PPARG: variants seen among roughly 807,000 people sequenced by gnomAD.
PPARG encodes the protein peroxisome proliferator-activated receptor gamma.
PPARG carries 17 observed loss-of-function variants against 39.2 expected under a neutral mutation model. The observed-to-expected ratio is 0.43, with a 90% CI of 0.30 to 0.65. PPARG has a LOEUF of 0.65. Among genes scored for constraint, PPARG ranks in the 30% least tolerant of loss-of-function variants. The pLI is 0.13. For synonymous variants in PPARG, 223 were observed against 215.7 expected (o/e 1.03, Z -0.30); for missense variants, 406 against 585.9 (o/e 0.69, Z 3.17).
At chr3:12,340,087 T>C (rs574869724) in intron 2 of PPARG, among the ~76,000 whole-genome samples, 53 of 152,284 alleles carry the variant, frequency 3.5e-4, no homozygotes, top group Middle Eastern at 6.8e-3. Context: ...TACTTCCCCT[T>C]CAGGCAGTAC....
chr3:12,386,295 C>T (rs2049867152), intron 4 of PPARG, among the ~76,000 whole-genome samples: 1 of 104,402 alleles, frequency 9.6e-6, no homozygotes, highest in Admixed American at 8.9e-5. Context: ...CAAGAAAACA[C>T]TTGGTTATCA....
At chr3:12,344,654 C>T (rs1453173589) in intron 2 of PPARG, among the ~76,000 whole-genome samples, 2 of 152,172 alleles carry the variant, frequency 1.3e-5, no homozygotes, top group African/African-American at 4.8e-5. Context: ...ACCGTCTCTT[C>T]CTGAAGCGTA....
intron 7 of PPARG, among the ~76,000 whole-genome samples, chr3:12,425,898 C>T (rs1017004036): frequency 7.9e-5 from 12 of 152,176 alleles, no homozygotes; most frequent in Non-Finnish European, 1.8e-4. Flanking sequence ...CATTTTCACT[C>T]TGAGAGACCC....
intron 2 of PPARG, among the ~76,000 whole-genome samples, chr3:12,376,527 T>C (rs1438849153): frequency 6.6e-6 from 1 of 152,146 alleles, no homozygotes; most frequent in East Asian, 1.9e-4. Flanking sequence ...AGAGTATGTA[T>C]ATACAGAAGA....
At chr3:12,302,086 G>A (rs1236328300) in intron 1 of PPARG, among the ~76,000 whole-genome samples, 1 of 152,158 alleles carries the variant, frequency 6.6e-6, no homozygotes, top group African/African-American at 2.4e-5. Flanking sequence ...AATAAGTAAA[G>A]GGAGAGAACA....
chr3:12,406,332 T>A (rs2050665188), intron 6 of PPARG: 1 of 491,060 alleles, frequency 2.0e-6, no homozygotes, highest in East Asian at 4.0e-5. Flanking sequence ...TTGGTCATCC[T>A]AACTTTAATG....
At chr3:12,426,180 T>C (rs570689088) in intron 7 of PPARG, among the ~76,000 whole-genome samples, 1 of 152,332 alleles carries the variant, frequency 6.6e-6, no homozygotes, top group South Asian at 2.1e-4. Context: ...CCCAGTCATA[T>C]ATATTATTGT....
chr3:12,287,843 C>CCCACCCCCACCCCCACCCCCACCT, upstream of PPARG: 1 of 138,810 alleles, frequency 7.2e-6, no homozygotes, highest in African/African-American at 2.6e-5. Flanking sequence ...CACCCCCACC[C>CCCACCCCCACCCCCACCCCCACCT]CCAGCCGGCG....
At chr3:12,329,317 T>G (rs111918230) in intron 2 of PPARG, among the ~76,000 whole-genome samples, 6 of 152,370 alleles carry the variant, frequency 3.9e-5, no homozygotes, top group African/African-American at 1.4e-4. Flanking sequence ...AGTTCAACTG[T>G]TGATCAATTA....
At chr3:12,384,196 A>G (rs1035401521) in intron 4 of PPARG, among the ~76,000 whole-genome samples, 2 of 152,146 alleles carry the variant, frequency 1.3e-5, no homozygotes, top group African/African-American at 4.8e-5. Flanking sequence ...ACTTAATATA[A>G]AGAAAATATG....
intron 2 of PPARG, among the ~76,000 whole-genome samples, chr3:12,355,767 T>G (rs2048641014): frequency 6.6e-6 from 1 of 152,242 alleles, no homozygotes; most frequent in South Asian, 2.1e-4. Context: ...TCCCCTACTA[T>G]CTCTAAGGAA....
chr3:12,338,814 GTTC>G (rs1268317908), intron 2 of PPARG, among the ~76,000 whole-genome samples: 1 of 152,072 alleles, frequency 6.6e-6, no homozygotes. Flanking sequence ...GTTTACCTTT[GTTC>G]TTCTTTCACT....
chr3:12,348,184 G>A (rs1235276437), intron 2 of PPARG, among the ~76,000 whole-genome samples: 1 of 152,160 alleles, frequency 6.6e-6, no homozygotes. Flanking sequence ...AATATTTTAT[G>A]TAAGTCATCC....
chr3:12,421,957 G>C (rs1036669777), intron 7 of PPARG, among the ~76,000 whole-genome samples: 3 of 101,638 alleles, frequency 3.0e-5, no homozygotes, highest in Non-Finnish European at 6.1e-5. Flanking sequence ...TAGAAGCAGG[G>C]GAATTGTTCT....
intron 2 of PPARG, among the ~76,000 whole-genome samples, chr3:12,318,956 T>C (rs1005319329): frequency 3.3e-5 from 5 of 152,194 alleles, no homozygotes; most frequent in African/African-American, 1.2e-4. Context: ...TTTTTAACCT[T>C]TTATACTCCC....
chr3:12,361,688 G>A (rs2048851273), intron 2 of PPARG, among the ~76,000 whole-genome samples: 1 of 152,188 alleles, frequency 6.6e-6, no homozygotes. Flanking sequence ...CTCTTCTATT[G>A]CATTGTATTT....
chr3:12,313,727 A>G (rs1020148231), intron 2 of PPARG, among the ~76,000 whole-genome samples: 32 of 152,316 alleles, frequency 2.1e-4, no homozygotes, highest in African/African-American at 7.2e-4. Context: ...AAGAGCTCCC[A>G]GTGGCCAAAG....
intron 7 of PPARG, 73 bp from the exon 8 acceptor site, chr3:12,433,825 A>G: frequency 1.2e-6 from 2 of 1,604,610 alleles, no homozygotes; most frequent in African/African-American, 1.3e-5. Context: ...AGAGCTGCCT[A>G]GGCCTCCAAG....
Position 12,406,354 on chromosome 3 carries a change from G to GC in PPARG, c.729+278dup, listed in dbSNP as rs1174164949. ...TCCTAACTTTAATGAATGAACTTAAGCCCCCTGAGCCTATCACCCTCTTTT... is the reference window on the plus strand; with the variant it reads ...TCCTAACTTTAATGAATGAACTTAAGCCCCCCTGAGCCTATCACCCTCTTTT... On this transcript the variant is annotated intron_variant, in intron 6 of 7. Coordinates refer to ENST00000651735, the MANE Select transcript of PPARG (RefSeq NM_138711.6). 1.6e-5 allele frequency: 7 copies of GC among 434,012 alleles called. No homozygotes were observed. The Admixed American group carries it at 2.5e-4, about 15-fold the overall frequency. The allele number at this position is 434,012 out of a possible 1,614,324, so 26.9% of individuals were successfully genotyped here.
Sources: gnomAD v4.1 joint callset for allele counts (sites outside exome capture counted in the v4.1 genomes callset) on GRCh38, gnomAD v4.1.1 for gene constraint, MANE v1.5 for transcripts, NCBI Gene and HGNC (gene_info 2026-07-23, HGNC 2026-07-21) for gene names.